PCDH15: variants seen among roughly 807,000 people sequenced by gnomAD.
PCDH15 encodes protocadherin related 15.
Under a neutral mutation model 178.5 loss-of-function variants are expected in PCDH15, and 129 were observed. That is an observed-to-expected ratio of 0.72 (90% CI 0.63 to 0.84). PCDH15 has a LOEUF of 0.84. Among genes scored for constraint, PCDH15 ranks in the 40% least tolerant of loss-of-function variants. The pLI, the probability that PCDH15 is intolerant of heterozygous loss-of-function variation, is 0.00. For missense variants in PCDH15, 2,230 were observed against 2,099.9 expected (o/e 1.06, Z -1.21); for synonymous variants, 800 against 732.0 (o/e 1.09, Z -1.50).
rs374325488 is a variant in PCDH15, at chr10:53,822,351, G to A, written c.4368-2121C>T. 3.2e-6 allele frequency: 5 copies of A among 1,582,666 alleles called. 1 individual carries two copies. The highest frequency in any genetic ancestry group is 4.3e-6 in the Non-Finnish European group (5 of 1,163,018). ...AACGGAAAGTGGAAAAAATGTAGGA[G>A]GAGGAAGAGGAAGAGGGATAGAAGG... On this transcript the variant is annotated intron_variant, in intron 32 of 37. Coordinates refer to ENST00000644397, the MANE Select transcript of PCDH15 (RefSeq NM_001384140.1).
At chr10:55,592,778 C>T (rs1485756631) in intron 2 of PCDH15, among the ~76,000 whole-genome samples, 1 of 152,080 alleles carries the variant, frequency 6.6e-6, no homozygotes, top group Non-Finnish European at 1.5e-5. Context: ...CTACGTCAAA[C>T]TGTTATTTAA....
At chr10:55,159,975 A>G (rs1447753469) in intron 2 of PCDH15, among the ~76,000 whole-genome samples, 3 of 151,886 alleles carry the variant, frequency 2.0e-5, no homozygotes, top group South Asian at 2.1e-4. Context: ...TAAAACACTT[A>G]AACATTTATT....
chr10:55,244,751 T>A (rs1474371501), intron 1 of PCDH15, among the ~76,000 whole-genome samples: 1 of 151,534 alleles, frequency 6.6e-6, no homozygotes, highest in Admixed American at 6.6e-5. Context: ...CAGGAATCCA[T>A]TAATTTCTAT....
intron 2 of PCDH15, among the ~76,000 whole-genome samples, chr10:54,624,234 A>G (rs773712935): frequency 5.3e-5 from 8 of 152,218 alleles, no homozygotes; most frequent in Non-Finnish European, 1.0e-4. Flanking sequence ...GAAATTTGGC[A>G]TATACCATCT....
intron 2 of PCDH15, among the ~76,000 whole-genome samples, chr10:55,603,672 T>A (rs2132148676): frequency 6.7e-6 from 1 of 150,306 alleles, no homozygotes; most frequent in Admixed American, 6.6e-5. Context: ...AGAAATAAAA[T>A]ACTTTACAGA....
At chr10:54,081,513 G>A (rs530353868) in intron 16 of PCDH15, among the ~76,000 whole-genome samples, 70 of 152,204 alleles carry the variant, frequency 4.6e-4, no homozygotes, top group Middle Eastern at 3.4e-3. Flanking sequence ...GCGACTCAGT[G>A]TTGTAGGCAG....
At chr10:54,477,741 G>A (rs991712020) in intron 3 of PCDH15, among the ~76,000 whole-genome samples, 9 of 152,006 alleles carry the variant, frequency 5.9e-5, no homozygotes, top group East Asian at 5.8e-4. Flanking sequence ...GATTACAGGC[G>A]TGTGCCAACA....
intron 25 of PCDH15, among the ~76,000 whole-genome samples, chr10:53,928,150 C>A (rs2084733746): frequency 6.6e-6 from 1 of 152,034 alleles, no homozygotes; most frequent in South Asian, 2.1e-4. Context: ...ATGAAACCTT[C>A]TGAATGTTCA....
In PCDH15 at chr10:55,139,219, ATG is replaced by A. The variant is rs1466923316; in HGVS notation, c.-80+27355_-80+27356del. The stretch of plus-strand genomic sequence containing the variant: ...TCTTTATATATTTTAGATAAAAATC[ATG>A]TGTGAGATAGGTGATTGATTTGTCT... On this transcript the variant is annotated intron_variant, in intron 2 of 5. Transcript: ENST00000458638. Among the ~76,000 whole-genome samples, 5 of 152,156 alleles carry A rather than the reference ATG, an allele frequency of 3.3e-5. No homozygotes were observed. The East Asian group carries it at 9.7e-4, about 29-fold the overall frequency.
chr10:54,535,433 G>T (rs144624301), intron 2 of PCDH15, among the ~76,000 whole-genome samples: 1 of 152,072 alleles, frequency 6.6e-6, no homozygotes, highest in African/African-American at 2.4e-5. Flanking sequence ...AAGTTTGGCC[G>T]GATGCGGTGG....
intron 2 of PCDH15, among the ~76,000 whole-genome samples, chr10:55,622,971 C>A (rs567283445): frequency 6.6e-6 from 1 of 152,288 alleles, no homozygotes; most frequent in South Asian, 2.1e-4. Flanking sequence ...CAAGACAGAG[C>A]ATCTAACATG....
At chr10:55,612,330 AGCTG>A (rs1425372811) in intron 2 of PCDH15, among the ~76,000 whole-genome samples, 1 of 152,056 alleles carries the variant, frequency 6.6e-6, no homozygotes, top group Non-Finnish European at 1.5e-5. Flanking sequence ...ATTAAGATGG[AGCTG>A]AGCCAAGAAT....
chr10:55,181,078 G>A (rs1564869255), intron 1 of PCDH15, among the ~76,000 whole-genome samples: 1 of 152,028 alleles, frequency 6.6e-6, no homozygotes, highest in Admixed American at 6.6e-5. Flanking sequence ...CTGGCAAAGT[G>A]ATATTTAAAA....
In PCDH15 at chr10:54,150,611, ATTAGG is replaced by A. The variant is rs777219794; in HGVS notation, c.1784+2484_1784+2488del. Reference sequence around the variant, plus strand: ...AGTTTTACTTGTTCTTTTTTTCTTGATTAGGTTAGATAGTATTTTATCCAATTAAT... The same window carrying A: ...AGTTTTACTTGTTCTTTTTTTCTTGATTAGATAGTATTTTATCCAATTAAT... On this transcript the variant is annotated intron_variant, in intron 14 of 37. Coordinates refer to ENST00000644397, the MANE Select transcript of PCDH15 (RefSeq NM_001384140.1). 1.7e-4 allele frequency among the ~76,000 whole-genome samples: 25 copies of A among 150,984 alleles called. No individual in the cohort carries two copies. The East Asian group carries it at 2.3e-3, about 14-fold the overall frequency.
At chr10:55,412,029 A>T (rs1239925027) in intron 2 of PCDH15, among the ~76,000 whole-genome samples, 1 of 152,044 alleles carries the variant, frequency 6.6e-6, no homozygotes, top group Non-Finnish European at 1.5e-5. Flanking sequence ...GATGTTTGAG[A>T]CTGGAGGGGC....
At chr10:55,586,499 T>C (rs1000261592) in intron 2 of PCDH15, among the ~76,000 whole-genome samples, 5 of 152,014 alleles carry the variant, frequency 3.3e-5, no homozygotes, top group Non-Finnish European at 7.4e-5. Context: ...AGCTATAAAT[T>C]TGAGGTTGGT....
chr10:55,204,137 G>A (rs913263610), intron 1 of PCDH15, among the ~76,000 whole-genome samples: 3 of 148,170 alleles, frequency 2.0e-5, no homozygotes, highest in African/African-American at 4.9e-5. Flanking sequence ...TATATTAAAT[G>A]TGTAATTTAA....
At chr10:55,291,061 T>C (rs969600337) in intron 1 of PCDH15, among the ~76,000 whole-genome samples, 1 of 152,164 alleles carries the variant, frequency 6.6e-6, no homozygotes, top group Non-Finnish European at 1.5e-5. Context: ...GACATTCTTA[T>C]TAGAAAAGAA....
At chr10:55,419,710 A>G (rs141647435) in intron 2 of PCDH15, among the ~76,000 whole-genome samples, 95 of 113,298 alleles carry the variant, frequency 8.4e-4, no homozygotes, top group African/African-American at 3.9e-3. Context: ...TGTACACACT[A>G]CTATAGCACA....
Sources: gnomAD v4.1 joint callset for allele counts (sites outside exome capture counted in the v4.1 genomes callset) on GRCh38, gnomAD v4.1.1 for gene constraint, MANE v1.5 for transcripts, NCBI Gene and HGNC (gene_info 2026-07-23, HGNC 2026-07-21) for gene names.